Variants in MEGF6 observed in about 807,000 individuals in gnomAD.
MEGF6 encodes multiple epidermal growth factor-like domains protein 6.
Under a neutral mutation model 207.1 loss-of-function variants are expected in MEGF6, and 184 were observed. The observed-to-expected ratio is 0.89, with a 90% CI of 0.79 to 1.00. The LOEUF (loss-of-function observed/expected upper bound fraction) is 1.00, where lower values mean the gene tolerates loss of function less well. MEGF6 is among the 50% of genes least tolerant of loss of function. The probability of loss-of-function intolerance (pLI) is 0.00; values close to 1 mark genes in which losing one functional copy is unlikely to be tolerated. For missense variants in MEGF6, 2,282 were observed against 2,202.9 expected, an observed-to-expected ratio of 1.04 and a Z score of -0.72; for synonymous variants, 1,038 against 910.0, an observed-to-expected ratio of 1.14 and a Z score of -2.53.
chr1:3,530,252 G>A (rs1642104887), intron 4 of MEGF6, among the ~76,000 whole-genome samples: 1 of 152,244 alleles, frequency 6.6e-6, no homozygotes, highest in Non-Finnish European at 1.5e-5. Context: ...TGAGGGCGTG[G>A]TGCTTAGTCC....
intron 4 of MEGF6, among the ~76,000 whole-genome samples, chr1:3,562,646 CA>C (rs1643235685): frequency 6.6e-6 from 1 of 152,260 alleles, no homozygotes; most frequent in African/African-American, 2.4e-5. Context: ...AGACCCCCGC[CA>C]GGGGTGGGCT....
intron 4 of MEGF6, among the ~76,000 whole-genome samples, chr1:3,566,606 T>C: frequency 6.6e-6 from 1 of 152,100 alleles, no homozygotes; most frequent in East Asian, 1.9e-4. Context: ...GACCAGCCGC[T>C]CGGCCCATCA....
At chr1:3,604,724 C>T (rs1644216789) in intron 1 of MEGF6, among the ~76,000 whole-genome samples, 3 of 152,156 alleles carry the variant, frequency 2.0e-5, no homozygotes, top group Admixed American at 2.0e-4. Context: ...CTCAAGATCA[C>T]CAGCTAATGG....
intron 4 of MEGF6, among the ~76,000 whole-genome samples, chr1:3,526,559 C>T (rs755415460): frequency 1.3e-5 from 2 of 152,146 alleles, no homozygotes; most frequent in African/African-American, 2.4e-5. Context: ...CCACCACGCT[C>T]GGCTAATTTT....
At chr1:3,500,511 A>G in intron 21 of MEGF6, 122 bp downstream of exon 21, 1 of 1,383,036 alleles carries the variant, frequency 7.2e-7, no homozygotes. Flanking sequence ...GCGCGGCCAA[A>G]GGCTTCGTGT....
chr1:3,509,797 G>T, intron 11 of MEGF6, 73 bp downstream of exon 11: 1 of 1,470,164 alleles, frequency 6.8e-7, no homozygotes, highest in South Asian at 1.4e-5. Context: ...GGCCAGGCCT[G>T]CGGGACGCAG....
chr1:3,576,362 T>TC (rs1557788608), intron 4 of MEGF6, among the ~76,000 whole-genome samples: 1 of 152,024 alleles, frequency 6.6e-6, no homozygotes, highest in Non-Finnish European at 1.5e-5. Flanking sequence ...GAGGGCTCCT[T>TC]CCCCCCACTG....
chr1:3,507,839 G>A lies in MEGF6; in HGVS notation c.1745C>T (p.Ala582Val). The change falls in exon 14 of 37, where the codon GCC (alanine) becomes GTC (valine). Residue 582 changes from alanine to valine, a missense_variant. Physicochemically the swap from Ala to Val is moderately conservative, Grantham distance 64. Transcript: ENST00000356575. ...ACTGACACCCGGGGGGCAGCGGCAG[G>A]CCCCCGTGACAGAGTCGCAGGTCCC... is the stretch of plus-strand genomic sequence containing the variant. ...NGGTCDSVTG[A>V]CRCPPGVSGT... The A allele has an allele frequency of 1.2e-6, 2 of 1,612,740 alleles. No homozygotes were observed. Among genetic ancestry groups the A allele is most frequent in the Non-Finnish European group, 1.7e-6 (2 of 1,179,928 alleles).
intron 5 of MEGF6, 21 bp downstream of exon 5, chr1:3,524,103 G>A: frequency 6.2e-7 from 1 of 1,608,122 alleles, no homozygotes; most frequent in Non-Finnish European, 8.5e-7. Flanking sequence ...AGCCCAGGCA[G>A]GGTCTCCAGG....
At chr1:3,526,477 A>C (rs2101266394) in intron 4 of MEGF6, among the ~76,000 whole-genome samples, 1 of 148,430 alleles carries the variant, frequency 6.7e-6, no homozygotes, top group East Asian at 2.0e-4. Flanking sequence ...GGCTCATTGC[A>C]ACCTCCACCT....
At chr1:3,512,515 C>T (rs973125551) in intron 7 of MEGF6, among the ~76,000 whole-genome samples, 5 of 152,208 alleles carry the variant, frequency 3.3e-5, no homozygotes, top group East Asian at 1.9e-4. Context: ...ACAGTTCCCA[C>T]GTGTGGTGGG....
intron 3 of MEGF6, among the ~76,000 whole-genome samples, chr1:3,593,817 C>T (rs908931389): frequency 6.6e-6 from 1 of 151,564 alleles, no homozygotes; most frequent in African/African-American, 2.4e-5. Context: ...CTCCGAGGGG[C>T]GGCTGGCCAG....
At chr1:3,613,846 C>A (rs562904028), upstream of MEGF6, among the ~76,000 whole-genome samples, 1 of 151,798 alleles carries the variant, frequency 6.6e-6, no homozygotes, top group Non-Finnish European at 1.5e-5. Flanking sequence ...CAGGCACTGC[C>A]GCTGTGCTCT....
intron 4 of MEGF6, among the ~76,000 whole-genome samples, chr1:3,526,528 A>T (rs927343873): frequency 6.6e-6 from 1 of 151,344 alleles, no homozygotes; most frequent in Non-Finnish European, 1.5e-5. Flanking sequence ...CCTCCTTAGT[A>T]GCTGGGATTA....
At chr1:3,619,987 T>C in the MEGF6 span, among the ~76,000 whole-genome samples, 1 of 152,184 alleles carries the variant, frequency 6.6e-6, no homozygotes, top group African/African-American at 2.4e-5. Context: ...GCTGATGTGG[T>C]CTCAGACGAA....
At chr1:3,541,587 G>A (rs376055577) in intron 4 of MEGF6, among the ~76,000 whole-genome samples, 6 of 152,158 alleles carry the variant, frequency 3.9e-5, no homozygotes, top group South Asian at 2.1e-4. Flanking sequence ...CCTGGGCTCC[G>A]CGGGAGAGGC....
At chr1:3,558,417 T>A (rs1643097162) in intron 4 of MEGF6, among the ~76,000 whole-genome samples, 1 of 152,200 alleles carries the variant, frequency 6.6e-6, no homozygotes, top group South Asian at 2.1e-4. Context: ...GGAGGATCAC[T>A]TGAGGCCAGG....
intron 4 of MEGF6, among the ~76,000 whole-genome samples, 197 bp from the exon 5 acceptor site, chr1:3,524,443 C>G (rs1201644243): frequency 6.6e-6 from 1 of 152,148 alleles, no homozygotes; most frequent in African/African-American, 2.4e-5. Flanking sequence ...GACACCTGCT[C>G]GAGAAGGAAG....
intron 4 of MEGF6, among the ~76,000 whole-genome samples, chr1:3,577,803 G>C (rs1198892205): frequency 1.3e-5 from 2 of 152,224 alleles, no homozygotes; most frequent in Non-Finnish European, 2.9e-5. Context: ...GCCTGGGGAA[G>C]ACAGGCCCCT....
Sources: gnomAD v4.1 joint callset for allele counts (sites outside exome capture counted in the v4.1 genomes callset) on GRCh38, gnomAD v4.1.1 for gene constraint, MANE v1.5 for transcripts, NCBI Gene and HGNC (gene_info 2026-07-23, HGNC 2026-07-21) for gene names.